The following NRXN1 variants were observed in gnomAD, a reference collection of about 807,000 sequenced individuals.
NRXN1 encodes the protein neurexin 1.
A neutral mutation model predicts 150.9 loss-of-function variants in NRXN1; 39 were observed. The observed-to-expected ratio is 0.26, with a 90% confidence interval of 0.20 to 0.34. NRXN1 has a LOEUF of 0.34. Among genes scored for constraint, NRXN1 ranks in the 10% least tolerant of loss-of-function variants. The pLI, the probability that NRXN1 is intolerant of heterozygous loss-of-function variation, is 1.00. For synonymous variants in NRXN1, 924 were observed against 757.0 expected (o/e 1.22, Z -3.62); for missense variants, 1,815 against 1,949.9 (o/e 0.93, Z 1.30).
chr2:50,304,866 C>T (rs761733719), intron 17 of NRXN1, among the ~76,000 whole-genome samples: 9 of 151,970 alleles, frequency 5.9e-5, no homozygotes, highest in South Asian at 2.1e-4. Flanking sequence ...CCAAGGTGGG[C>T]GGATCAGAAG....
At chr2:50,307,217 C>T (rs573494385) in intron 17 of NRXN1, among the ~76,000 whole-genome samples, 39 of 152,202 alleles carry the variant, frequency 2.6e-4, no homozygotes, top group Admixed American at 2.3e-3. Flanking sequence ...CTCCTGACCT[C>T]GTGATTCACC....
chr2:50,705,035 T>C (rs532560421), intron 5 of NRXN1, among the ~76,000 whole-genome samples: 59 of 137,542 alleles, frequency 4.3e-4, no homozygotes, highest in African/African-American at 1.6e-3. Context: ...TTACAATATA[T>C]ACACAGAAAC....
intron 5 of NRXN1, among the ~76,000 whole-genome samples, chr2:50,638,035 C>T (rs922747641): frequency 2.6e-5 from 4 of 151,996 alleles, no homozygotes; most frequent in African/African-American, 4.8e-5. Flanking sequence ...GAGATCTAAG[C>T]TAAACACAGA....
At chr2:50,196,469 T>C (rs539260) in intron 18 of NRXN1, among the ~76,000 whole-genome samples, 105,094 of 151,914 alleles carry the variant, frequency 0.69, 36,802 homozygotes, top group African/African-American at 0.78. Flanking sequence ...GTTTGTGACT[T>C]TCCACACGAA....
At chr2:50,809,202 T>C (rs1229855793) in intron 5 of NRXN1, among the ~76,000 whole-genome samples, 3 of 152,060 alleles carry the variant, frequency 2.0e-5, no homozygotes, top group African/African-American at 7.2e-5. Context: ...GGTGTAGCCT[T>C]GAGGACTTAG....
In NRXN1 at chr2:50,275,151, T is replaced by C. The variant is rs1362860655; in HGVS notation, c.3365-38181A>G. Among the ~76,000 whole-genome samples the C allele has an allele frequency of 2.0e-5, 3 of 152,308 alleles. No individual in the cohort carries two copies. The East Asian group carries it at 5.8e-4, about 29-fold the overall frequency. On this transcript the variant is annotated intron_variant, in intron 17 of 22. Coordinates refer to ENST00000401669, the MANE Select transcript of NRXN1 (RefSeq NM_001330078.2). ...GCTACTGGACTACAATGTTATCTTTTACAATGAACTACCAAATTTAGATGT... is the reference window on the plus strand; with the variant it reads ...GCTACTGGACTACAATGTTATCTTTCACAATGAACTACCAAATTTAGATGT...
chr2:51,006,460 G>A (rs1700735144), intron 2 of NRXN1, among the ~76,000 whole-genome samples: 1 of 151,810 alleles, frequency 6.6e-6, no homozygotes, highest in South Asian at 2.1e-4. Flanking sequence ...ACAAGTTAAT[G>A]GGTGCAGCAC....
intron 10 of NRXN1, among the ~76,000 whole-genome samples, chr2:50,537,853 C>A (rs964838770): frequency 6.6e-6 from 1 of 152,112 alleles, no homozygotes; most frequent in Non-Finnish European, 1.5e-5. Context: ...GCTTAGCTTG[C>A]CTCAAATGCT....
intron 8 of NRXN1, among the ~76,000 whole-genome samples, chr2:50,576,789 A>T (rs987740446): frequency 2.6e-5 from 4 of 152,102 alleles, no homozygotes; most frequent in Admixed American, 2.6e-4. Context: ...TTCTCCTAAA[A>T]GATGGCTTTC....
At chr2:50,734,975 T>G (rs185617561) in intron 5 of NRXN1, among the ~76,000 whole-genome samples, 71 of 152,290 alleles carry the variant, frequency 4.7e-4, no homozygotes, top group Admixed American at 3.7e-3. Context: ...AATATACCTG[T>G]TCAAATAAAA....
Position 50,346,964 on chromosome 2 carries a change from C to A in NRXN1, c.3365-109994G>T. 1 of 1,367,660 alleles carries A rather than the reference C, an allele frequency of 7.3e-7. No individual in the cohort carries two copies. The highest frequency in any genetic ancestry group is 9.4e-7 in the Non-Finnish European group (1 of 1,059,880). 84.7% of individuals were successfully genotyped at this position (1,367,660 alleles called of 1,614,324 possible). On this transcript the variant is annotated intron_variant, in intron 17 of 22. Transcript: ENST00000401669. The surrounding 1 kb of genome is among the most constrained non-coding windows in gnomAD (Gnocchi z 5.0). Reference sequence around the variant, plus strand: ...CTCTGGTACATGGCGGGGCGCCCGCCGAGGGGCAGCCGCCGCGGGAGGCAA... The same window carrying A: ...CTCTGGTACATGGCGGGGCGCCCGCAGAGGGGCAGCCGCCGCGGGAGGCAA...
intron 21 of NRXN1, among the ~76,000 whole-genome samples, chr2:49,961,101 T>C (rs1558587790): frequency 6.6e-6 from 1 of 152,184 alleles, no homozygotes; most frequent in East Asian, 1.9e-4. Context: ...TGTATGTTCT[T>C]CATGTTTTCT....
intron 21 of NRXN1, among the ~76,000 whole-genome samples, chr2:49,946,860 A>G (rs1478376265): frequency 6.6e-6 from 1 of 152,172 alleles, no homozygotes; most frequent in Admixed American, 6.5e-5. Context: ...CAGTACCAAA[A>G]CAGATATATA....
chr2:49,995,682 G>A (rs1417470508), intron 21 of NRXN1, among the ~76,000 whole-genome samples: 3 of 150,306 alleles, frequency 2.0e-5, no homozygotes, highest in African/African-American at 7.4e-5. Flanking sequence ...TCGGGAGGCT[G>A]AGGCAGGAGA....
intron 5 of NRXN1, among the ~76,000 whole-genome samples, chr2:50,847,454 C>T (rs941170192): frequency 6.6e-6 from 1 of 151,906 alleles, no homozygotes; most frequent in African/African-American, 2.4e-5. Context: ...AGAGTGTGGT[C>T]GCTTTAAATG....
At chr2:50,579,785 T>C (rs1296766765) in intron 8 of NRXN1, among the ~76,000 whole-genome samples, 1 of 152,168 alleles carries the variant, frequency 6.6e-6, no homozygotes, top group African/African-American at 2.4e-5. Context: ...ATGCATGTAA[T>C]ATGAAGGTGA....
chr2:50,117,223 C>A (rs1415535079), intron 18 of NRXN1, among the ~76,000 whole-genome samples: 1 of 151,994 alleles, frequency 6.6e-6, no homozygotes, highest in African/African-American at 2.4e-5. Context: ...AAATTGAGGG[C>A]CATAAAATAA....
chr2:50,904,378 T>C (rs1215078316), intron 5 of NRXN1, among the ~76,000 whole-genome samples: 1 of 152,210 alleles, frequency 6.6e-6, no homozygotes, highest in Non-Finnish European at 1.5e-5. Context: ...TTGAAATCCC[T>C]AAGTATTAAA....
chr2:50,545,817 A>C (rs1252616894), intron 9 of NRXN1, among the ~76,000 whole-genome samples: 1 of 152,194 alleles, frequency 6.6e-6, no homozygotes, highest in African/African-American at 2.4e-5. Context: ...ATCTGTGGAT[A>C]CTTGAGTTCC....
Sources: gnomAD v4.1 joint callset for allele counts (sites outside exome capture counted in the v4.1 genomes callset) on GRCh38, gnomAD v4.1.1 for gene constraint, Gnocchi (gnomAD v3.1) non-coding constraint, MANE v1.5 for transcripts, NCBI Gene and HGNC (gene_info 2026-07-23, HGNC 2026-07-21) for gene names.